SPTLC1: variants seen among roughly 807,000 people sequenced by gnomAD.
The protein encoded by SPTLC1 is serine palmitoyltransferase long chain base subunit 1.
Under a neutral mutation model 68.9 loss-of-function variants are expected in SPTLC1, and 55 were observed. That is an observed-to-expected ratio of 0.80 (90% confidence interval 0.64 to 1.00). The LOEUF (loss-of-function observed/expected upper bound fraction) is 1.00, where lower values mean the gene tolerates loss of function less well. Ranked by LOEUF, SPTLC1 falls within the 50% of genes least tolerant of loss-of-function variation. The probability of loss-of-function intolerance (pLI) is 0.00; values close to 1 mark genes in which losing one functional copy is unlikely to be tolerated. For synonymous variants in SPTLC1, 197 were observed against 201.6 expected (o/e 0.98, Z 0.19); for missense variants, 449 against 573.1 (o/e 0.78, Z 2.21).
At chr9:92,086,917 T>C (rs1359055644) in intron 3 of SPTLC1, among the ~76,000 whole-genome samples, 5 of 152,236 alleles carry the variant, frequency 3.3e-5, no homozygotes, top group Non-Finnish European at 7.3e-5. Flanking sequence ...CATAGTCCCA[T>C]ATTTCTTGGA....
At chr9:92,035,081 T>C (rs1564079259) in intron 13 of SPTLC1, among the ~76,000 whole-genome samples, 198 bp from the exon 14 acceptor site, 1 of 152,226 alleles carries the variant, frequency 6.6e-6, no homozygotes, top group Non-Finnish European at 1.5e-5. Flanking sequence ...AATACCTCTG[T>C]TGTGTAGTGC....
At chr9:92,100,146 G>A (rs1318529476) in intron 3 of SPTLC1, among the ~76,000 whole-genome samples, 1 of 152,208 alleles carries the variant, frequency 6.6e-6, no homozygotes, top group African/African-American at 2.4e-5. Context: ...CAGGTATGGG[G>A]GCTCACGCCT....
chr9:92,071,739 G>T (rs1243524614), intron 5 of SPTLC1, among the ~76,000 whole-genome samples: 1 of 152,138 alleles, frequency 6.6e-6, no homozygotes, highest in East Asian at 1.9e-4. Context: ...ACATCCAGAA[G>T]GTGTCCTGCA....
intron 3 of SPTLC1, chr9:92,105,526 T>C (rs7018804): frequency 0.44 from 267,919 of 615,278 alleles, 65,221 homozygotes; most frequent in African/African-American, 0.85. Context: ...TCTCTGCCTG[T>C]ACCATCTGGG....
rs545297403 is a variant in SPTLC1 at position 92,055,396 on chromosome 9, G to T, written c.780+9C>A. The T allele has an allele frequency of 3.1e-6, 5 of 1,612,750 alleles. No individual in the cohort carries two copies. The East Asian group carries it at 1.1e-4, about 36-fold the overall frequency. On this transcript the variant is annotated intron_variant, in intron 8 of 14. Coordinates refer to ENST00000262554, the MANE Select transcript of SPTLC1 (RefSeq NM_006415.4). ...AATATTAAAATTACAGCTGAACATGGTTGCTTACCAATTCTGGAAGAGGAC... is the reference window on the plus strand; with the variant it reads ...AATATTAAAATTACAGCTGAACATGTTTGCTTACCAATTCTGGAAGAGGAC...
Position 92,032,277 on chromosome 9 carries a change from T to A in SPTLC1, c.*188A>T. On this transcript the variant is annotated 3_prime_UTR_variant, in exon 15 of 15. Coordinates refer to ENST00000262554, the MANE Select transcript of SPTLC1 (RefSeq NM_006415.4). ...ATCAGTTCCTGGGCTTTTAGATGTG[T>A]TTTCTTTTTAAAAAAAATAAGCATC... 1 of 1,532,786 alleles carries A rather than the reference T, an allele frequency of 6.5e-7. No individual in the cohort carries two copies. The highest frequency in any genetic ancestry group is 8.7e-7 in the Non-Finnish European group (1 of 1,145,268). 94.9% of individuals were successfully genotyped at this position (1,532,786 alleles called of 1,614,324 possible). A position where few individuals can be genotyped will look rare whatever the true frequency, so the allele number is the denominator to read the frequency against.
At chr9:92,087,515 C>A (rs1835190194) in intron 3 of SPTLC1, among the ~76,000 whole-genome samples, 1 of 152,218 alleles carries the variant, frequency 6.6e-6, no homozygotes, top group African/African-American at 2.4e-5. Flanking sequence ...CCACTCCAGA[C>A]CCTATTTGCC....
chr9:92,051,199 C>A, intron 8 of SPTLC1: 1 of 981,152 alleles, frequency 1.0e-6, no homozygotes, highest in East Asian at 1.1e-4. Context: ...ATTTAGATTT[C>A]CTCAGAAATA....
chr9:92,113,587 A>G (rs1042531737), intron 1 of SPTLC1, among the ~76,000 whole-genome samples: 15 of 152,218 alleles, frequency 9.9e-5, no homozygotes, highest in African/African-American at 3.6e-4. Flanking sequence ...ATTTAACAGA[A>G]AATAATCCAT....
intron 3 of SPTLC1, among the ~76,000 whole-genome samples, chr9:92,087,564 C>T (rs951322739): frequency 1.3e-5 from 2 of 152,206 alleles, no homozygotes; most frequent in African/African-American, 2.4e-5. Context: ...AGCGGATTTT[C>T]GTGAACCGGG....
chr9:92,049,557 T>C (rs1833637446), intron 9 of SPTLC1, among the ~76,000 whole-genome samples: 1 of 152,076 alleles, frequency 6.6e-6, no homozygotes, highest in African/African-American at 2.4e-5. Context: ...TTATATAGAA[T>C]ACAGATTTTT....
Position 92,080,882 on chromosome 9 carries a change from G to T in SPTLC1, c.342C>A (p.Asn114Lys), listed in dbSNP as rs752029386. ...ATGTGCTACTCACCTTAACCCTAGG[G>T]TTATCCAACAATCCAAGAAAATTAA... ...ASFNFLGLLD[N>K]PRVKAAALAS... The change falls in exon 4 of 15, where the codon AAC (asparagine) becomes AAA (lysine). Residue 114 changes from asparagine (N) to lysine (K), a missense_variant. By Grantham distance (94) the Asn-to-Lys change is moderately conservative. This residue lies in a region of SPTLC1 where 391 missense variants were observed against 472.1 expected (regional missense o/e 0.83). Transcript: ENST00000262554. 4 of 1,612,660 alleles carry T rather than the reference G, an allele frequency of 2.5e-6. No individual in the cohort carries two copies. The highest frequency in any genetic ancestry group is 2.2e-5 in the East Asian group (1 of 44,886).
At position 92,086,808 on chromosome 9, in the gene SPTLC1, A is replaced by C. The variant is rs1021633741; in HGVS notation, c.261-5845T>G. Among the ~76,000 whole-genome samples the C allele has an allele frequency of 3.3e-5, 5 of 152,338 alleles. No homozygotes were observed. In the East Asian group the frequency reaches 5.8e-4, roughly 18 times the overall value. ...TTGGCCTGCCTTGCTAGATTGGGGA[A>C]GTTCTCCTGGATAATATCCTGCAGA... On this transcript the variant is annotated intron_variant, in intron 3 of 14. Transcript: ENST00000262554.
chr9:92,063,979 C>T (rs745332630), intron 6 of SPTLC1, among the ~76,000 whole-genome samples: 1 of 152,140 alleles, frequency 6.6e-6, no homozygotes. Flanking sequence ...ACTTTTAACA[C>T]AGTCCTGGAA....
chr9:92,083,243 A>C (rs1466462381), intron 3 of SPTLC1, among the ~76,000 whole-genome samples: 3 of 152,048 alleles, frequency 2.0e-5, no homozygotes, highest in Non-Finnish European at 2.9e-5. Flanking sequence ...TCTTTAGTTT[A>C]ATTAGATCCC....
chr9:92,050,043 CTTTGTA>C lies in SPTLC1; in HGVS notation c.799_804del (p.Tyr267_Lys268del). The C allele has an allele frequency of 6.2e-7, 1 of 1,613,266 alleles. No homozygotes were observed. The highest frequency in any genetic ancestry group is 8.5e-7 in the Non-Finnish European group (1 of 1,179,258). On this transcript the variant is annotated inframe_deletion, in exon 9 of 15. Coordinates refer to ENST00000262554, the MANE Select transcript of SPTLC1 (RefSeq NM_006415.4). ...AGGCTTTCCTCCAGGAAGATTCTTGCTTTGTATTTGTATTTTAACTTAACCTAAGTG... is the reference window on the plus strand; with the variant it reads ...AGGCTTTCCTCCAGGAAGATTCTTGCTTTGTATTTTAACTTAACCTAAGTG...
At position 92,039,281 on chromosome 9, in the gene SPTLC1, G is replaced by T. The variant is rs190380928; in HGVS notation, c.1137-916C>A. Among the ~76,000 whole-genome samples the T allele has an allele frequency of 2.0e-3, 305 of 152,196 alleles. 2 individuals are homozygous for T. The Middle Eastern group carries it at 0.024, about 12-fold the overall frequency. ...TTAAAATTATTTTCTTTTTACTTAG[G>T]ATTAATAGCACAAAAATCTGTAGCT... On this transcript the variant is annotated intron_variant, in intron 12 of 14. Coordinates refer to ENST00000262554, the MANE Select transcript of SPTLC1 (RefSeq NM_006415.4).
intron 13 of SPTLC1, among the ~76,000 whole-genome samples, 179 bp from the exon 14 acceptor site, chr9:92,035,062 G>C (rs989699272): frequency 8.5e-5 from 13 of 152,180 alleles, no homozygotes; most frequent in African/African-American, 2.7e-4. Flanking sequence ...AGAACTTTCT[G>C]CAATGACAAA....
intron 3 of SPTLC1, among the ~76,000 whole-genome samples, chr9:92,091,000 ACTT>A (rs1835342988): frequency 6.6e-6 from 1 of 152,132 alleles, no homozygotes; most frequent in African/African-American, 2.4e-5. Flanking sequence ...GGGCAAATAA[ACTT>A]CTACTTTCCC....
Sources: gnomAD v4.1 joint callset for allele counts (sites outside exome capture counted in the v4.1 genomes callset) on GRCh38, gnomAD v4.1.1 for gene constraint, gnomAD v4.1.1 regional missense constraint, MANE v1.5 for transcripts, NCBI Gene and HGNC (gene_info 2026-07-23, HGNC 2026-07-21) for gene names.